Variants in KMT2D observed in about 807,000 individuals in gnomAD.
KMT2D encodes histone-lysine N-methyltransferase 2D.
A neutral mutation model predicts 512.7 loss-of-function variants in KMT2D; 55 were observed. That is an observed-to-expected ratio of 0.11 (90% CI 0.09 to 0.13). The LOEUF (loss-of-function observed/expected upper bound fraction) is 0.13. Ranked by LOEUF, KMT2D falls within the 10% of genes least tolerant of loss-of-function variation. The pLI is 1.00. For missense variants in KMT2D, 6,061 were observed against 7,127.9 expected, an observed-to-expected ratio of 0.85 and a Z score of 5.39; for synonymous variants, 2,995 against 2,904.0, an observed-to-expected ratio of 1.03 and a Z score of -1.01.
chr12:49,027,317 G>T lies in KMT2D; in HGVS notation c.14649C>A (p.Ser4883Arg). ...GCTGAGTGGGTGGCTCTGGGGCGGG[G>T]CTCTCCTGTAGGAGGGTGCCCTGTA... ...LDILSLLKQE[S>R]PAPEPPTQHS... The change falls in exon 49 of 55, where the codon AGC becomes AGA. Residue 4883 changes from serine to arginine, a missense_variant. Transcript: ENST00000301067. 6.6e-7 allele frequency: 1 copy of T among 1,522,824 alleles called. No homozygotes were observed. The highest frequency in any genetic ancestry group is 1.3e-5 in the South Asian group (1 of 75,640). The allele number at this position is 1,522,824 out of a possible 1,614,324, so 94.3% of individuals were successfully genotyped here.
Position 49,037,981 on chromosome 12 carries a change from A to G in KMT2D, c.9375T>C (p.Gly3125=), listed in dbSNP as rs2120488713. 6.2e-7 allele frequency: 1 copy of G among 1,600,654 alleles called. No individual in the cohort carries two copies. The highest frequency in any genetic ancestry group is 8.5e-7 in the Non-Finnish European group (1 of 1,174,072). ...LPEVKPKVEE[G]GRHPSPCQFT... ...ATTGGCAAGGAGAAGGGTGGCGTCC[A>G]CCCTCCTCCACCTTGGGCTTCACCT... The change falls in exon 35 of 55, where the codon GGT becomes GGC. Residue 3125 remains glycine (G), a synonymous_variant. Transcript: ENST00000301067.
rs1179158825 is a variant in KMT2D at position 49,060,621 on chromosome 12, G to A, written c.-1046C>T. Among the ~76,000 whole-genome samples, 1 of 152,210 alleles carries A rather than the reference G, an allele frequency of 6.6e-6. No individual in the cohort carries two copies. Among genetic ancestry groups the A allele is most frequent in the South Asian group, 2.1e-4 (1 of 4,834 alleles). On this transcript the variant is annotated 5_prime_UTR_variant, in exon 1 of 55. Coordinates refer to ENST00000301067, the MANE Select transcript of KMT2D (RefSeq NM_003482.4). ...CCCCCCCTCCGCCTCCTGTTCGGCC[G>A]GTAGGGTGGTTCCTGCGAAGGGGCT...
In KMT2D at chr12:49,038,596, C is replaced by T. The variant is rs756957212; in HGVS notation, c.8760G>A (p.Gly2920=). The T allele has an allele frequency of 6.2e-7, 1 of 1,612,704 alleles. No homozygotes were observed. Among genetic ancestry groups the T allele is most frequent in the African/African-American group, 1.3e-5 (1 of 75,014 alleles). Residue 2920 remains glycine (G), a synonymous_variant, in exon 35 of 55, where the codon GGG becomes GGA. Coordinates refer to ENST00000301067, the MANE Select transcript of KMT2D (RefSeq NM_003482.4). The surrounding 1 kb of genome is among the most constrained non-coding windows in gnomAD (Gnocchi z 5.7). ...SEDPHRLAPE[G]LRGLAVSGLP... is the part of the protein sequence containing the mutation. ...GACCTGATACCGCCAGGCCCCGAAG[C>T]CCTTCAGGAGCCAGTCGGTGGGGGT... is the stretch of plus-strand genomic sequence containing the variant.
rs780460242 is a variant in KMT2D at position 49,040,249 on chromosome 12, A to G, written c.7521T>C (p.His2507=). The change falls in exon 32 of 55, where the codon CAT becomes CAC. Residue 2507 remains histidine (H), a synonymous_variant. Coordinates refer to ENST00000301067, the MANE Select transcript of KMT2D (RefSeq NM_003482.4). ...GGGGCTGCCCACTTGGGACCTTGGCATGGAGCTCACCTGCTGGCCCCGCGG... is the reference window on the plus strand; with the variant it reads ...GGGGCTGCCCACTTGGGACCTTGGCGTGGAGCTCACCTGCTGGCCCCGCGG... ...ALPAGPAGEL[H]AKVPSGQPPN... is the part of the protein sequence containing the mutation. 1.2e-6 allele frequency: 2 copies of G among 1,612,696 alleles called. No individual in the cohort carries two copies. The highest frequency in any genetic ancestry group is 1.7e-6 in the Non-Finnish European group (2 of 1,179,394).
intron 2 of KMT2D, 69 bp downstream of exon 2, chr12:49,055,207 T>C: frequency 1.9e-6 from 3 of 1,577,476 alleles, no homozygotes; most frequent in South Asian, 2.2e-5. Flanking sequence ...CTCATGTCCT[T>C]GTGCCAGGAC....
At chr12:49,059,458 G>A (rs894482974) in intron 1 of KMT2D, among the ~76,000 whole-genome samples, 155 bp downstream of exon 1, 1 of 152,166 alleles carries the variant, frequency 6.6e-6, no homozygotes, top group Non-Finnish European at 1.5e-5. Flanking sequence ...CCTGGTGACT[G>A]GCTCAGGTTC....
chr12:49,032,783 C>G lies in KMT2D; in HGVS notation c.11922G>C (p.Gln3974His). 1 of 1,557,254 alleles carries G rather than the reference C, an allele frequency of 6.4e-7. No individual in the cohort carries two copies. The highest frequency in any genetic ancestry group is 1.9e-5 in the Admixed American group (1 of 51,352). Residue 3974 changes from glutamine (Q) to histidine (H), a missense_variant, in exon 40 of 55, where the codon CAG becomes CAC. This residue lies in a region of KMT2D where 1,600 missense variants were observed against 1,754.9 expected (regional missense o/e 0.91). Transcript: ENST00000301067. ...QQFQQQQQQQ[Q>H]MGLLNQSRTL... ...TTCGACTCTGGTTTAAAAGGCCCAT[C>G]TGCTGCTGTTGCTGCTGCTGTTGAA...
rs1942168885 is a variant in KMT2D, at chr12:49,019,157, G to A, written c.*2623C>T. ...GGGAGAGAGGGCGCTTTAAAAAAGGGAACCATTTCATCCGTTGTTACGAAG... is the reference window on the plus strand; with the variant it reads ...GGGAGAGAGGGCGCTTTAAAAAAGGAAACCATTTCATCCGTTGTTACGAAG... On this transcript the variant is annotated 3_prime_UTR_variant, in exon 55 of 55. Transcript: ENST00000301067. The A allele has an allele frequency of 8.9e-7, 1 of 1,126,802 alleles. No homozygotes were observed. The highest frequency in any genetic ancestry group is 3.0e-5 in the South Asian group (1 of 33,852). The allele number at this position is 1,126,802 out of a possible 1,614,324, so 69.8% of individuals were successfully genotyped here.
At position 49,054,697 on chromosome 12, in the gene KMT2D, G is replaced by A. The variant is rs146053307; in HGVS notation, c.231C>T (p.His77=). The change falls in exon 4 of 55, where the codon CAC becomes CAT. Residue 77 remains histidine, a synonymous_variant. Transcript: ENST00000301067. The surrounding 1 kb of genome is among the most constrained non-coding windows in gnomAD (Gnocchi z 6.4). The part of the protein sequence containing the change: ...ALCNCGEPSL[H]GQRELRRFEL... ...CAAAGCGCCGTAGCTCCCGCTGCCCGTGTAGACTGGGCTCCCCGCAGTTAC... is the reference window on the plus strand; with the variant it reads ...CAAAGCGCCGTAGCTCCCGCTGCCCATGTAGACTGGGCTCCCCGCAGTTAC... The A allele has an allele frequency of 2.1e-5, 34 of 1,613,220 alleles. No individual in the cohort carries two copies. Among genetic ancestry groups the A allele is most frequent in the African/African-American group, 2.7e-5 (2 of 75,000 alleles).
rs1459936058 is a variant in KMT2D at position 49,053,242 on chromosome 12, T to C, written c.919A>G (p.Met307Val). Residue 307 changes from methionine to valine, a missense_variant, in exon 8 of 55, where the codon ATG becomes GTG. Transcript: ENST00000301067. The part of the protein sequence containing the change: ...GYHTFCLKPP[M>V]EELPAHSWKC... The stretch of plus-strand genomic sequence containing the variant: ...CAAGAGTGAGCAGGCAGTTCCTCCA[T>C]GGGTGGTTTTAGGCAGAAAGTATGG... 1.2e-6 allele frequency: 2 copies of C among 1,613,998 alleles called. No individual in the cohort carries two copies. Among genetic ancestry groups the C allele is most frequent in the Non-Finnish European group, 1.7e-6 (2 of 1,179,858 alleles).
rs958329634 is a variant in KMT2D at position 49,019,541 on chromosome 12, C to T, written c.*2239G>A. ...AGGACTATCGGATACCTAGCATATG[C>T]TTACAAAGTCTGCCCCATCCCCTTT... On this transcript the variant is annotated 3_prime_UTR_variant, in exon 55 of 55. Transcript: ENST00000301067. 5 of 227,060 alleles carry T rather than the reference C, an allele frequency of 2.2e-5. No homozygotes were observed. The highest frequency in any genetic ancestry group is 3.5e-5 in the Non-Finnish European group (4 of 113,800). The allele number at this position is 227,060 out of a possible 1,614,324, so 14.1% of individuals were successfully genotyped here.
rs201581582 is a variant in KMT2D, at chr12:49,040,724, G to C, written c.7046C>G (p.Pro2349Arg). 6.2e-7 allele frequency: 1 copy of C among 1,613,548 alleles called. No individual in the cohort carries two copies. Among genetic ancestry groups the C allele is most frequent in the South Asian group, 1.1e-5 (1 of 91,090 alleles). The change falls in exon 32 of 55, where the codon CCC becomes CGC. Residue 2349 changes from proline to arginine, a missense_variant. By Grantham distance (103) the Pro-to-Arg change is moderately radical. Transcript: ENST00000301067. ...AGCCTGGGCAGGGGGTGGCTCCTGG[G>C]GCCTTAGGCCCAAGCCCGGGCTCTG... ...EPQSPGLGLR[P>R]QEPPPAQALA...
chr12:49,051,053 G>A lies in KMT2D; in HGVS notation c.2630C>T (p.Pro877Leu). ...PPEEPGQCPA[P>L]EELPLFPPPG... is the part of the protein sequence containing the mutation. ...GGGAGGGAACAAGGGCAGCTCCTCA[G>A]GTGCAGGGCATTGGCCTGGCTCCTC... The change falls in exon 11 of 55, where the codon CCT (proline) becomes CTT (leucine). Residue 877 changes from proline (P) to leucine (L), a missense_variant. This residue lies in a region of KMT2D where 848 missense variants were observed against 838.5 expected (regional missense o/e 1.01). Transcript: ENST00000301067. 6.5e-7 allele frequency: 1 copy of A among 1,536,232 alleles called. No homozygotes were observed. The highest frequency in any genetic ancestry group is 8.7e-7 in the Non-Finnish European group (1 of 1,144,568).
rs3741624 is a variant in KMT2D at position 49,038,480 on chromosome 12, G to C, written c.8876C>G (p.Thr2959Ser). ...GGGCCGGTTGACCAGCTCCAAACCAGTTGGCAGGGTAGGACCCTTGGTGTG... is the reference window on the plus strand; with the variant it reads ...GGGCCGGTTGACCAGCTCCAAACCACTTGGCAGGGTAGGACCCTTGGTGTG... ...TPHTKGPTLP[T>S]GLELVNRPPS... Residue 2959 changes from threonine (T) to serine (S), a missense_variant, in exon 35 of 55, where the codon ACT becomes AGT. Transcript: ENST00000301067. The surrounding 1 kb of genome is among the most constrained non-coding windows in gnomAD (Gnocchi z 5.7). The C allele has an allele frequency of 1.9e-6, 3 of 1,607,634 alleles. No individual in the cohort carries two copies. Among genetic ancestry groups the C allele is most frequent in the South Asian group, 2.2e-5 (2 of 90,564 alleles).
rs772355587 is a variant in KMT2D, at chr12:49,051,205, G to C, written c.2478C>G (p.Pro826=). The C allele has an allele frequency of 1.9e-5, 28 of 1,500,458 alleles. No homozygotes were observed. The African/African-American group carries it at 3.0e-4, about 16-fold the overall frequency. 92.9% of individuals were successfully genotyped at this position (1,500,458 alleles called of 1,614,324 possible). Reference sequence around the variant, plus strand: ...GGGACAGGTGTGATTCCTCAGGTTGGGGGGACAAGCATGGCTCCTCAGGCA... The same window carrying C: ...GGGACAGGTGTGATTCCTCAGGTTGCGGGGACAAGCATGGCTCCTCAGGCA... ...SPVPEEPCLS[P]QPEESHLSPQ... is the part of the protein sequence containing the mutation. Residue 826 remains proline (P), a synonymous_variant, in exon 11 of 55, where the codon CCC becomes CCG. Transcript: ENST00000301067.
At position 49,038,754 on chromosome 12, in the gene KMT2D, C is replaced by T. The variant is rs1159533087; in HGVS notation, c.8602G>A (p.Val2868Met). Residue 2868 changes from valine (V) to methionine (M), a missense_variant, in exon 35 of 55, where the codon GTG becomes ATG. Physicochemically the swap from Val to Met is conservative, Grantham distance 21 (BLOSUM62 1). This residue lies in a region of KMT2D where 527 missense variants were observed against 578.9 expected (regional missense o/e 0.91). Transcript: ENST00000301067. This position sits in a 1 kb window ranked among gnomAD's most constrained non-coding sequence, Gnocchi z 5.7. ...TGGGCAGGACCAGCTGGACCAGGCACTGGCTCACCAGGGCCTGGCAGACGG... is the reference window on the plus strand; with the variant it reads ...TGGGCAGGACCAGCTGGACCAGGCATTGGCTCACCAGGGCCTGGCAGACGG... Reference protein sequence around the residue: ...STRLPGPGEPVPGPAGPAQFI... With the variant: ...STRLPGPGEPMPGPAGPAQFI... 6.2e-7 allele frequency: 1 copy of T among 1,605,826 alleles called. No individual in the cohort carries two copies. Among genetic ancestry groups the T allele is most frequent in the Non-Finnish European group, 8.5e-7 (1 of 1,176,360 alleles).
Position 49,043,970 on chromosome 12 carries a change from G to T in KMT2D, c.5217C>A (p.Gly1739=). The stretch of plus-strand genomic sequence containing the variant: ...CTTCAGCTAAGCTCTGCTCCACGGC[G>T]CCCTCTGCAGGCAGGTCAGCAGGTA... ...EVIPADLPAE[G]AVEQSLAEGD... Residue 1739 remains glycine, a synonymous_variant, in exon 23 of 55, where the codon GGC becomes GGA. Coordinates refer to ENST00000301067, the MANE Select transcript of KMT2D (RefSeq NM_003482.4). The T allele has an allele frequency of 6.2e-7, 1 of 1,613,946 alleles. No homozygotes were observed. Among genetic ancestry groups the T allele is most frequent in the Non-Finnish European group, 8.5e-7 (1 of 1,179,890 alleles).
rs2120498889 is a variant in KMT2D, at chr12:49,038,498, T to C, written c.8858A>G (p.Lys2953Arg). The C allele has an allele frequency of 6.2e-7, 1 of 1,606,478 alleles. No individual in the cohort carries two copies. The highest frequency in any genetic ancestry group is 8.5e-7 in the Non-Finnish European group (1 of 1,174,740). The part of the protein sequence containing the change: ...NNSLHPTPHT[K>R]GPTLPTGLEL... ...CAAACCAGTTGGCAGGGTAGGACCC[T>C]TGGTGTGGGGTGTTGGATGAAGACT... Residue 2953 changes from lysine (K) to arginine (R), a missense_variant, in exon 35 of 55, where the codon AAG becomes AGG. Lys to Arg is a conservative substitution (Grantham distance 26). Coordinates refer to ENST00000301067, the MANE Select transcript of KMT2D (RefSeq NM_003482.4). The surrounding 1 kb of genome is among the most constrained non-coding windows in gnomAD (Gnocchi z 5.7).
intron 44 of KMT2D, 38 bp from the exon 45 acceptor site, chr12:49,029,274 G>A (rs1440155678): frequency 1.9e-6 from 3 of 1,602,608 alleles, no homozygotes; most frequent in Admixed American, 3.3e-5. Flanking sequence ...CTACAGCCCT[G>A]CAGACTCCCC....
Sources: gnomAD v4.1 joint callset for allele counts (sites outside exome capture counted in the v4.1 genomes callset) on GRCh38, gnomAD v4.1.1 for gene constraint, gnomAD v4.1.1 regional missense constraint, Gnocchi (gnomAD v3.1) non-coding constraint, MANE v1.5 for transcripts, NCBI Gene and HGNC (gene_info 2026-07-23, HGNC 2026-07-21) for gene names.